Variants in CACNA2D3 observed in about 807,000 individuals in gnomAD.
The protein encoded by CACNA2D3 is voltage-dependent calcium channel subunit alpha-2/delta-3.
CACNA2D3 carries 60 observed loss-of-function variants against 160.6 expected under a neutral mutation model. The observed-to-expected ratio is 0.37, with a 90% CI of 0.30 to 0.46. The LOEUF (loss-of-function observed/expected upper bound fraction) is 0.46, where lower values mean the gene tolerates loss of function less well. Among genes scored for constraint, CACNA2D3 ranks in the 20% least tolerant of loss-of-function variants. The pLI, the probability that CACNA2D3 is intolerant of heterozygous loss-of-function variation, is 1.00. For missense variants in CACNA2D3, 1,205 were observed against 1,365.0 expected (o/e 0.88, Z 1.85); for synonymous variants, 558 against 492.9 (o/e 1.13, Z -1.75).
intron 11 of CACNA2D3, among the ~76,000 whole-genome samples, chr3:54,724,226 A>T (rs1055825961): frequency 3.3e-5 from 5 of 152,194 alleles, no homozygotes; most frequent in Non-Finnish European, 5.9e-5. Flanking sequence ...AACTATCCTA[A>T]ATATATATAC....
At chr3:54,449,522 T>A (rs1275424212) in intron 4 of CACNA2D3, among the ~76,000 whole-genome samples, 2 of 152,236 alleles carry the variant, frequency 1.3e-5, no homozygotes, top group Non-Finnish European at 2.9e-5. Context: ...GGATCTGTGT[T>A]CCCACCCAAA....
At chr3:54,353,470 T>A (rs558669224) in intron 3 of CACNA2D3, among the ~76,000 whole-genome samples, 2 of 150,892 alleles carry the variant, frequency 1.3e-5, no homozygotes, top group South Asian at 2.1e-4. Context: ...TTTTTTTTTT[T>A]ATAAAGGTAA....
intron 2 of CACNA2D3, among the ~76,000 whole-genome samples, chr3:54,188,116 A>G (rs1388947006): frequency 6.6e-6 from 1 of 152,196 alleles, no homozygotes; most frequent in Non-Finnish European, 1.5e-5. Flanking sequence ...CTAGCTGTGG[A>G]ACATATGTAC....
chr3:54,284,183 G>A (rs1410391535), intron 2 of CACNA2D3, among the ~76,000 whole-genome samples: 1 of 151,326 alleles, frequency 6.6e-6, no homozygotes, highest in East Asian at 1.9e-4. Context: ...CGAGTTAATG[G>A]GTGCAGCACA....
chr3:54,290,997 T>C (rs906312264), intron 2 of CACNA2D3, among the ~76,000 whole-genome samples: 15 of 152,288 alleles, frequency 9.8e-5, no homozygotes, highest in African/African-American at 3.6e-4. Flanking sequence ...ACATGGCACA[T>C]GTATACATAT....
Position 54,223,967 on chromosome 3 carries a change from T to G in CACNA2D3, c.205-96475T>G, listed in dbSNP as rs564211978. On this transcript the variant is annotated intron_variant, in intron 2 of 37. Transcript: ENST00000474759. ...AAGCTTTTTGACTCTAATAACAGCT[T>G]AAAACACAAACCTATTGTACAGCTG... Among the ~76,000 whole-genome samples the G allele has an allele frequency of 9.8e-5, 15 of 152,322 alleles. No homozygotes were observed. The East Asian group carries it at 2.1e-3, about 22-fold the overall frequency.
chr3:54,781,080 A>C (rs1702526722), intron 13 of CACNA2D3, among the ~76,000 whole-genome samples: 2 of 152,272 alleles, frequency 1.3e-5, no homozygotes, highest in Non-Finnish European at 2.9e-5. Flanking sequence ...TAAGGGTTAA[A>C]ATAATCTTAA....
chr3:54,403,352 C>T (rs1042319312), intron 4 of CACNA2D3, among the ~76,000 whole-genome samples: 4 of 118,082 alleles, frequency 3.4e-5, no homozygotes, highest in African/African-American at 1.3e-4. Context: ...CGGACCCTAT[C>T]TCAAACACAC....
intron 11 of CACNA2D3, among the ~76,000 whole-genome samples, chr3:54,711,786 T>G (rs1575435342): frequency 6.6e-6 from 1 of 152,262 alleles, no homozygotes; most frequent in Non-Finnish European, 1.5e-5. Flanking sequence ...CTTCCTCATC[T>G]GCTGCTACCA....
At position 54,340,652 on chromosome 3, in the gene CACNA2D3, A is replaced by G. The variant is rs953036872; in HGVS notation, c.321+20094A>G. On this transcript the variant is annotated intron_variant, in intron 3 of 37. Coordinates refer to ENST00000474759, the MANE Select transcript of CACNA2D3 (RefSeq NM_018398.3). ...CACCTGCTAATGGACATTTAATGTA[A>G]TGTGACTGGTGAAGTGGAGCTTGTT... is the stretch of plus-strand genomic sequence containing the variant. Among the ~76,000 whole-genome samples the G allele has an allele frequency of 2.6e-5, 4 of 152,230 alleles. No individual in the cohort carries two copies. The South Asian group carries it at 6.2e-4, about 24-fold the overall frequency.
intron 2 of CACNA2D3, among the ~76,000 whole-genome samples, chr3:54,246,015 A>G (rs1208347335): frequency 6.6e-6 from 1 of 152,184 alleles, no homozygotes; most frequent in East Asian, 1.9e-4. Flanking sequence ...TAGCTATTAC[A>G]TACTATACTC....
intron 27 of CACNA2D3, chr3:54,918,529 C>A (rs758049658): frequency 2.3e-5 from 37 of 1,613,824 alleles, no homozygotes; most frequent in Non-Finnish European, 3.1e-5. Context: ...AGCCAAGGGT[C>A]CCCCATGGTA....
At chr3:54,603,685 G>A (rs372271551) in intron 9 of CACNA2D3, among the ~76,000 whole-genome samples, 2 of 152,166 alleles carry the variant, frequency 1.3e-5, no homozygotes, top group Non-Finnish European at 1.5e-5. Flanking sequence ...CAGCAATGAC[G>A]CTTTGTCTGT....
At chr3:54,928,428 G>A (rs542423132) in intron 27 of CACNA2D3, among the ~76,000 whole-genome samples, 50 of 152,234 alleles carry the variant, frequency 3.3e-4, no homozygotes, top group African/African-American at 1.2e-3. Context: ...GATGCTGGAC[G>A]GGACCCTCAC....
intron 35 of CACNA2D3, among the ~76,000 whole-genome samples, chr3:55,036,142 AAC>A (rs1318157895): frequency 1.3e-5 from 2 of 152,132 alleles, no homozygotes; most frequent in African/African-American, 4.8e-5. Flanking sequence ...ATAGTCTATT[AAC>A]CATAAAATGA....
At chr3:54,625,827 A>G (rs1699086339) in intron 9 of CACNA2D3, among the ~76,000 whole-genome samples, 1 of 152,164 alleles carries the variant, frequency 6.6e-6, no homozygotes, top group African/African-American at 2.4e-5. Flanking sequence ...TCTTAAAACA[A>G]TCAGCATGCC....
intron 27 of CACNA2D3, among the ~76,000 whole-genome samples, chr3:54,928,353 C>T (rs897676896): frequency 3.3e-5 from 5 of 152,114 alleles, no homozygotes; most frequent in South Asian, 2.1e-4. Flanking sequence ...CTTCTTAATC[C>T]GGCTGTGGCT....
At chr3:54,984,978 C>T (rs1235912904) in intron 30 of CACNA2D3, among the ~76,000 whole-genome samples, 2 of 152,098 alleles carry the variant, frequency 1.3e-5, no homozygotes, top group East Asian at 1.9e-4. Flanking sequence ...ACATAAAGAA[C>T]TTTTGCCTCG....
At chr3:54,389,749 A>G (rs1699248758) in intron 4 of CACNA2D3, among the ~76,000 whole-genome samples, 1 of 152,208 alleles carries the variant, frequency 6.6e-6, no homozygotes, top group Non-Finnish European at 1.5e-5. Flanking sequence ...TCGTCTTCAA[A>G]AATGCCAAGA....
Sources: gnomAD v4.1 joint callset for allele counts (sites outside exome capture counted in the v4.1 genomes callset) on GRCh38, gnomAD v4.1.1 for gene constraint, MANE v1.5 for transcripts, NCBI Gene and HGNC (gene_info 2026-07-23, HGNC 2026-07-21) for gene names.